HMCN1: variants seen among roughly 807,000 people sequenced by gnomAD.
HMCN1 encodes hemicentin-1.
In HMCN1, 321 loss-of-function variants were observed where a neutral mutation model predicts 625.9. That is an observed-to-expected ratio of 0.51 (90% CI 0.47 to 0.56). The LOEUF is 0.56. HMCN1 is among the 20% of genes least tolerant of loss of function. The pLI, the probability that HMCN1 is intolerant of heterozygous loss-of-function variation, is 0.00. For synonymous variants in HMCN1, 2,425 were observed against 2,417.6 expected, an observed-to-expected ratio of 1.00 and a Z score of -0.09; for missense variants, 6,588 against 6,887.3, an observed-to-expected ratio of 0.96 and a Z score of 1.54.
chr1:185,977,753 C>T (rs749592190), intron 15 of HMCN1, 34 bp from the exon 16 acceptor site: 17 of 1,347,536 alleles, frequency 1.3e-5, no homozygotes, highest in Middle Eastern at 1.8e-4. Context: ...TATAATATAC[C>T]GATGACTTAT....
chr1:186,057,299 G>C lies in HMCN1; in HGVS notation c.7210G>C (p.Val2404Leu), dbSNP rs761246836. The C allele has an allele frequency of 6.8e-6, 11 of 1,610,436 alleles. No homozygotes were observed. The highest frequency in any genetic ancestry group is 9.3e-6 in the Non-Finnish European group (11 of 1,177,228). Residue 2404 changes from valine (V) to leucine (L), a missense_variant, in exon 46 of 107, where the codon GTA becomes CTA. Transcript: ENST00000271588. The part of the protein sequence containing the change: ...ENISVVEKNS[V>L]SLTCEASGIP... ...TATTAGTGTGGTAGAAAAGAACTCA[G>C]TATCTTTGACTTGTGAAGCTTCTGG...
In HMCN1 at chr1:186,160,646, A is replaced by G. The variant is rs181572455; in HGVS notation, c.15257-4465A>G. The stretch of plus-strand genomic sequence containing the variant: ...TCTTTGTTTTCGTTGGTTTCAAAGA[A>G]CATCTTTATTTCTGCCTTGATTTCG... On this transcript the variant is annotated intron_variant, in intron 97 of 106. Coordinates refer to ENST00000271588, the MANE Select transcript of HMCN1 (RefSeq NM_031935.3). 7.4e-3 allele frequency among the ~76,000 whole-genome samples: 1,123 copies of G among 152,276 alleles called. 17 individuals are homozygous for G. Among genetic ancestry groups the G allele is most frequent in the African/African-American group, 0.024 (1,010 of 41,540 alleles).
At chr1:185,936,261 G>A (rs558251891) in intron 11 of HMCN1, among the ~76,000 whole-genome samples, 2 of 152,054 alleles carry the variant, frequency 1.3e-5, no homozygotes, top group South Asian at 2.1e-4. Flanking sequence ...TAATATTGCA[G>A]CCCTTCTTTA....
At chr1:186,083,110 C>T in intron 57 of HMCN1, 149 bp downstream of exon 57, 1 of 413,508 alleles carries the variant, frequency 2.4e-6, no homozygotes, top group South Asian at 1.1e-4. Context: ...TCTTTCTTTC[C>T]ACGATGGCTA....
chr1:185,864,092 A>C (rs536594540), intron 2 of HMCN1, among the ~76,000 whole-genome samples: 28 of 152,208 alleles, frequency 1.8e-4, no homozygotes, highest in Non-Finnish European at 3.7e-4. Flanking sequence ...GGAGCTTATG[A>C]ACATTCTCTT....
rs756744413 is a variant in HMCN1, at chr1:186,062,505, G to GT, written c.7427-3dup. ...GAGCTGTTATTTTGTTGTTGTTGTT[G>GT]TTTTTTAGTACCACCTCATATTGTG... is the stretch of plus-strand genomic sequence containing the variant. On this transcript the variant is annotated splice_polypyrimidine_tract_variant and intron_variant, in intron 47 of 106. Transcript: ENST00000271588. 2.6e-6 allele frequency: 4 copies of GT among 1,565,764 alleles called. No individual in the cohort carries two copies. The highest frequency in any genetic ancestry group is 1.7e-5 in the Admixed American group (1 of 59,902).
chr1:186,117,407 A>C, intron 76 of HMCN1, 52 bp from the exon 77 acceptor site: 1 of 1,586,588 alleles, frequency 6.3e-7, no homozygotes, highest in Non-Finnish European at 8.6e-7. Context: ...GGAAATCTTT[A>C]AGGGCTGGAA....
rs374433230 is a variant in HMCN1, at chr1:185,864,467, C to T, written c.340-3C>T. 283 of 1,613,596 alleles carry T rather than the reference C, an allele frequency of 1.8e-4. 1 individual carries two copies. Among genetic ancestry groups the T allele is most frequent in the Non-Finnish European group, 6.9e-5 (81 of 1,179,738 alleles). On this transcript the variant is annotated splice_region_variant and splice_polypyrimidine_tract_variant and intron_variant, in intron 2 of 106. Transcript: ENST00000271588. ...TAATTGAATTTTTCTCTCCACTCAACAGGGTGGTGGTGATTGCCCAGAAAT... is the reference window on the plus strand; with the variant it reads ...TAATTGAATTTTTCTCTCCACTCAATAGGGTGGTGGTGATTGCCCAGAAAT...
intron 14 of HMCN1, 61 bp downstream of exon 14, chr1:185,965,976 A>G: frequency 9.4e-7 from 1 of 1,064,272 alleles, no homozygotes; most frequent in African/African-American, 1.6e-5. Flanking sequence ...TTTAAAAAAA[A>G]TGATTTGTTA....
chr1:186,037,590 G>A (rs1655919579), intron 36 of HMCN1, among the ~76,000 whole-genome samples: 2 of 152,034 alleles, frequency 1.3e-5, no homozygotes, highest in Admixed American at 1.3e-4. Flanking sequence ...TTCAAATTTA[G>A]TAGACTAATT....
intron 2 of HMCN1, among the ~76,000 whole-genome samples, chr1:185,847,040 T>C (rs1490919683): frequency 6.6e-6 from 1 of 152,146 alleles, no homozygotes; most frequent in South Asian, 2.1e-4. Flanking sequence ...ACCACTCCCT[T>C]ACCCTCAGCA....
intron 1 of HMCN1, among the ~76,000 whole-genome samples, chr1:185,743,251 A>T (rs1654108097): frequency 1.3e-5 from 2 of 152,206 alleles, no homozygotes; most frequent in Non-Finnish European, 2.9e-5. Context: ...TTCTCTGGGT[A>T]TTTTTATCCT....
chr1:185,857,115 T>C (rs1305766641), intron 2 of HMCN1, among the ~76,000 whole-genome samples: 1 of 152,234 alleles, frequency 6.6e-6, no homozygotes, highest in Non-Finnish European at 1.5e-5. Context: ...CAGGAATTCA[T>C]TTTGTAAACA....
At position 185,928,563 on chromosome 1, in the gene HMCN1, A is replaced by G; in HGVS notation, c.1448A>G (p.Asn483Ser). Reference protein sequence around the residue: ...DQYLKESASVNLDIAKVTLSD... With the variant: ...DQYLKESASVSLDIAKVTLSD... ...ACCTCCAGAGAATCTGCCAGTGTGA[A>G]CTTAGATATTGCAAAGGTCACTTTG... The change falls in exon 10 of 107, where the codon AAC becomes AGC. Residue 483 changes from asparagine to serine, a missense_variant. Physicochemically the swap from Asn to Ser is conservative, Grantham distance 46. Transcript: ENST00000271588. 1.2e-6 allele frequency: 2 copies of G among 1,612,994 alleles called. No individual in the cohort carries two copies. Among genetic ancestry groups the G allele is most frequent in the Non-Finnish European group, 1.7e-6 (2 of 1,179,024 alleles).
rs1197837602 is a variant in HMCN1, at chr1:186,015,451, T to C, written c.4909+14T>C. The stretch of plus-strand genomic sequence containing the variant: ...TGGATGTCTATGGTGAGGAACAACA[T>C]ATGCTTTAATTATATACCTTTCTAC... On this transcript the variant is annotated intron_variant, in intron 31 of 106. Transcript: ENST00000271588. 3.1e-6 allele frequency: 5 copies of C among 1,610,766 alleles called. No homozygotes were observed. Among genetic ancestry groups the C allele is most frequent in the African/African-American group, 1.3e-5 (1 of 74,836 alleles).
At chr1:186,139,521 T>C (rs1649819020) in intron 89 of HMCN1, among the ~76,000 whole-genome samples, 1 of 152,094 alleles carries the variant, frequency 6.6e-6, no homozygotes, top group African/African-American at 2.4e-5. Flanking sequence ...TTTTTTCTTT[T>C]CATGTTGAGT....
At chr1:185,796,666 A>G (rs1451029774) in intron 1 of HMCN1, among the ~76,000 whole-genome samples, 1 of 152,034 alleles carries the variant, frequency 6.6e-6, no homozygotes, top group Non-Finnish European at 1.5e-5. Flanking sequence ...ATACTCACAT[A>G]TATACACTTT....
At chr1:186,028,934 C>A (rs935499664) in intron 36 of HMCN1, among the ~76,000 whole-genome samples, 1 of 151,716 alleles carries the variant, frequency 6.6e-6, no homozygotes, top group Non-Finnish European at 1.5e-5. Flanking sequence ...ACTATGTTGC[C>A]CAGGCTGATC....
chr1:186,032,798 C>A (rs950362511), intron 36 of HMCN1, among the ~76,000 whole-genome samples: 2 of 151,632 alleles, frequency 1.3e-5, no homozygotes, highest in Non-Finnish European at 2.9e-5. Context: ...AAAGGGAACA[C>A]TTTAACACTG....
Sources: allele counts gnomAD v4.1 joint callset (sites outside exome capture counted in the v4.1 genomes callset), GRCh38; gene constraint gnomAD v4.1.1; transcripts MANE v1.5; gene names NCBI Gene and HGNC (gene_info 2026-07-23, HGNC 2026-07-21).